Variants in USH2A observed in about 807,000 individuals in gnomAD.
The protein encoded by USH2A is usherin, also known as Usher syndrome 2A (autosomal recessive, mild).
USH2A carries 443 observed loss-of-function variants against 538.9 expected under a neutral mutation model. The observed-to-expected ratio is 0.82, with a 90% CI of 0.76 to 0.89. The LOEUF (loss-of-function observed/expected upper bound fraction) is 0.89, where lower values mean the gene tolerates loss of function less well. Ranked by LOEUF, USH2A falls within the 40% of genes least tolerant of loss-of-function variation. The pLI is 0.00. For synonymous variants in USH2A, 2,413 were observed against 2,273.5 expected, an observed-to-expected ratio of 1.06 and a Z score of -1.75; for missense variants, 6,633 against 6,324.8, an observed-to-expected ratio of 1.05 and a Z score of -1.65.
intron 21 of USH2A, among the ~76,000 whole-genome samples, chr1:216,109,904 T>C (rs911478683): frequency 6.6e-6 from 1 of 152,194 alleles, no homozygotes; most frequent in African/African-American, 2.4e-5. Flanking sequence ...TATCTACATA[T>C]TTGTTCAATT....
intron 11 of USH2A, among the ~76,000 whole-genome samples, chr1:216,251,546 G>A (rs1290419434): frequency 2.7e-5 from 4 of 148,338 alleles, no homozygotes; most frequent in African/African-American, 4.9e-5. Flanking sequence ...CGCCTTCTGG[G>A]TTCACACCAT....
chr1:216,295,974 T>C (rs947738502), intron 9 of USH2A, among the ~76,000 whole-genome samples: 1 of 151,992 alleles, frequency 6.6e-6, no homozygotes, highest in African/African-American at 2.4e-5. Flanking sequence ...TTGGCCAGTA[T>C]TTACTTTTCC....
chr1:215,974,492 TC>T (rs1558190039), intron 35 of USH2A, among the ~76,000 whole-genome samples: 1 of 152,138 alleles, frequency 6.6e-6, no homozygotes, highest in Non-Finnish European at 1.5e-5. Context: ...CAGTCCTTAC[TC>T]CCCATTCCCT....
chr1:215,786,628 T>A, intron 52 of USH2A, 42 bp downstream of exon 52: 1 of 1,607,738 alleles, frequency 6.2e-7, no homozygotes, highest in East Asian at 2.2e-5. Context: ...AGCTTCTCAC[T>A]AACCCCATTA....
At chr1:216,164,851 A>G (rs771749167) in intron 21 of USH2A, among the ~76,000 whole-genome samples, 5 of 152,162 alleles carry the variant, frequency 3.3e-5, no homozygotes, top group Non-Finnish European at 7.4e-5. Flanking sequence ...TGCATACACA[A>G]TACTAAGACA....
intron 47 of USH2A, among the ~76,000 whole-genome samples, chr1:215,817,525 A>G (rs1662892648): frequency 6.6e-6 from 1 of 151,938 alleles, no homozygotes; most frequent in Non-Finnish European, 1.5e-5. Context: ...AACATGTGGC[A>G]ACTTAATGCC....
rs1165401611 is a variant in USH2A at position 216,279,258 on chromosome 1, G to A, written c.1971+10022C>T. Among the ~76,000 whole-genome samples, 5 of 151,956 alleles carry A rather than the reference G, an allele frequency of 3.3e-5. No homozygotes were observed. The East Asian group carries it at 5.8e-4, about 18-fold the overall frequency. ...GTTGTTTTTATTTCCTTTTAAAAATGGCTATTAGGTGATATACTCTAATTT... is the reference window on the plus strand; with the variant it reads ...GTTGTTTTTATTTCCTTTTAAAAATAGCTATTAGGTGATATACTCTAATTT... On this transcript the variant is annotated intron_variant, in intron 11 of 71. Coordinates refer to ENST00000307340, the MANE Select transcript of USH2A (RefSeq NM_206933.4).
intron 16 of USH2A, among the ~76,000 whole-genome samples, chr1:216,206,102 G>A (rs1319834231): frequency 6.6e-6 from 1 of 152,058 alleles, no homozygotes. Flanking sequence ...GTACTCCACT[G>A]CCAGATTTAA....
Position 215,674,108 on chromosome 1 carries a change from T to A in USH2A, c.13803A>T (p.Pro4601=), listed in dbSNP as rs929186272. 1 of 1,614,064 alleles carries A rather than the reference T, an allele frequency of 6.2e-7. No homozygotes were observed. The highest frequency in any genetic ancestry group is 8.5e-7 in the Non-Finnish European group (1 of 1,179,978). The change falls in exon 63 of 72, where the codon CCA becomes CCT. Residue 4601 remains proline (P), a synonymous_variant. Coordinates refer to ENST00000307340, the MANE Select transcript of USH2A (RefSeq NM_206933.4). The part of the protein sequence containing the change: ...MQSYIVNQLK[P]FHRYEIRIQA... Reference sequence around the variant, plus strand: ...GAGACATGGCTACCTACCTGTGAAATGGCTTCAGCTGGTTTACTATATATG... The same window carrying A: ...GAGACATGGCTACCTACCTGTGAAAAGGCTTCAGCTGGTTTACTATATATG...
intron 13 of USH2A, among the ~76,000 whole-genome samples, chr1:216,239,787 A>C (rs1572081678): frequency 6.6e-6 from 1 of 152,214 alleles, no homozygotes; most frequent in African/African-American, 2.4e-5. Flanking sequence ...GGTGTAAGTA[A>C]GGGTGGCAAG....
intron 21 of USH2A, among the ~76,000 whole-genome samples, chr1:216,099,907 G>T (rs751681700): frequency 6.6e-6 from 1 of 152,062 alleles, no homozygotes; most frequent in African/African-American, 2.4e-5. Flanking sequence ...AAGAGAAGAC[G>T]ATGCTAGGAA....
intron 62 of USH2A, among the ~76,000 whole-genome samples, chr1:215,676,611 C>T (rs1294986896): frequency 7.2e-5 from 11 of 152,088 alleles, no homozygotes; most frequent in Non-Finnish European, 1.5e-4. Context: ...CATTTTTTCC[C>T]TAAGATTACA....
intron 21 of USH2A, among the ~76,000 whole-genome samples, chr1:216,116,105 AAAT>A (rs1393689826): frequency 9.2e-5 from 14 of 151,744 alleles, no homozygotes; most frequent in Non-Finnish European, 2.9e-5. Flanking sequence ...AAAATTAAAA[AAAT>A]AATAACTTTT....
chr1:215,846,170 T>C (rs1663841488), intron 44 of USH2A, 137 bp from the exon 45 acceptor site: 1 of 790,010 alleles, frequency 1.3e-6, no homozygotes, highest in Admixed American at 2.5e-5. Context: ...AAAAAAAGCT[T>C]ATGAGATCTC....
rs1231616703 is a variant in USH2A at position 216,422,055 on chromosome 1, G to T, written c.282C>A (p.His94Gln). Residue 94 changes from histidine (H) to glutamine (Q), a missense_variant, in exon 2 of 72, where the codon CAC (histidine) becomes CAA (glutamine). By Grantham distance (24) the His-to-Gln change is conservative. Coordinates refer to ENST00000307340, the MANE Select transcript of USH2A (RefSeq NM_206933.4). Reference sequence around the variant, plus strand: ...CTGAGAAAAGGGCAGTGTAGGTAGGGTGTGAAGATCTGTATGGGCAATCCT... The same window carrying T: ...CTGAGAAAAGGGCAGTGTAGGTAGGTTGTGAAGATCTGTATGGGCAATCCT... ...CIQDCPYRSS[H>Q]PTYTALFSAG... is the part of the protein sequence containing the mutation. 6 of 1,613,746 alleles carry T rather than the reference G, an allele frequency of 3.7e-6. No individual in the cohort carries two copies. The East Asian group carries it at 6.7e-5, about 18-fold the overall frequency.
At chr1:216,061,152 C>T (rs563553874) in intron 30 of USH2A, among the ~76,000 whole-genome samples, 103 of 152,262 alleles carry the variant, frequency 6.8e-4, no homozygotes, top group Middle Eastern at 3.4e-3. Flanking sequence ...CTTGGACTCT[C>T]CATTGCAACT....
In USH2A at chr1:215,650,607, A is replaced by C. The variant is rs1220949681; in HGVS notation, c.14328T>G (p.His4776Gln). 8.1e-6 allele frequency: 13 copies of C among 1,614,062 alleles called. No individual in the cohort carries two copies. Among genetic ancestry groups the C allele is most frequent in the Non-Finnish European group, 1.0e-5 (12 of 1,180,036 alleles). Reference protein sequence around the residue: ...SLYRLFSSSAHGAETVLSEGM... With the variant: ...SLYRLFSSSAQGAETVLSEGM... ...TGCTGCTCACCACTGTCTCAGCCCC[A>C]TGGGCGCTGCTGGAGAACAGCCTGT... Residue 4776 changes from histidine (H) to glutamine (Q), a missense_variant, in exon 65 of 72, where the codon CAT becomes CAG. Physicochemically the swap from His to Gln is conservative, Grantham distance 24. Transcript: ENST00000307340.
At position 215,630,525 on chromosome 1, in the gene USH2A, T is replaced by TGAG. The variant is rs1179138772; in HGVS notation, c.15298-1491_15298-1490insCTC. On this transcript the variant is annotated intron_variant, in intron 70 of 71. Transcript: ENST00000307340. ...ATATATATATATATATATATATATATATGAGAGAGAGAAAGTTGGGTTTTG... is the reference window on the plus strand; with the variant it reads ...ATATATATATATATATATATATATATGAGATGAGAGAGAGAAAGTTGGGTTTTG... Among the ~76,000 whole-genome samples the TGAG allele has an allele frequency of 1.8e-3, 226 of 126,246 alleles. 1 individual carries two copies. The highest frequency in any genetic ancestry group is 6.2e-3 in the African/African-American group (183 of 29,290). The allele number at this position is 126,246 out of a possible 152,430, so 82.8% of individuals were successfully genotyped here.
At chr1:216,266,081 C>T (rs2036466576) in intron 11 of USH2A, among the ~76,000 whole-genome samples, 1 of 151,958 alleles carries the variant, frequency 6.6e-6, no homozygotes, top group African/African-American at 2.4e-5. Context: ...AGAAATGATA[C>T]AGGTTGGTGG....
Sources: allele counts gnomAD v4.1 joint callset (sites outside exome capture counted in the v4.1 genomes callset), GRCh38; gene constraint gnomAD v4.1.1; transcripts MANE v1.5; gene names NCBI Gene and HGNC (gene_info 2026-07-23, HGNC 2026-07-21).